The following DCLK1 variants were observed in gnomAD, a reference collection of about 807,000 sequenced individuals.
DCLK1 encodes the protein doublecortin like kinase 1, also known as serine/threonine-protein kinase DCLK1.
In DCLK1, 16 loss-of-function variants were observed where a neutral mutation model predicts 86.2. The observed-to-expected ratio is 0.19, with a 90% confidence interval of 0.13 to 0.28. DCLK1 has a LOEUF of 0.28. Among genes scored for constraint, DCLK1 ranks in the 10% least tolerant of loss-of-function variants. The probability of loss-of-function intolerance (pLI) is 1.00; values close to 1 mark genes in which losing one functional copy is unlikely to be tolerated. For missense variants in DCLK1, 590 were observed against 940.2 expected (o/e 0.63, Z 4.87); for synonymous variants, 369 against 370.5 (o/e 1.00, Z 0.05).
intron 5 of DCLK1, among the ~76,000 whole-genome samples, chr13:35,868,162 A>G (rs1593680599): frequency 6.6e-6 from 1 of 151,880 alleles, no homozygotes; most frequent in East Asian, 1.9e-4. Flanking sequence ...AGCTGGGACT[A>G]CAGGCGCCTG....
intron 11 of DCLK1, among the ~76,000 whole-genome samples, chr13:35,818,118 G>A (rs1420231669): frequency 6.6e-6 from 1 of 152,046 alleles, no homozygotes; most frequent in Non-Finnish European, 1.5e-5. Context: ...CCTTCCTTTG[G>A]GTAACCTCCA....
chr13:36,075,524 G>A (rs1328412749), intron 3 of DCLK1, among the ~76,000 whole-genome samples: 1 of 152,132 alleles, frequency 6.6e-6, no homozygotes, highest in Admixed American at 6.5e-5. Flanking sequence ...TTAAAAAAGA[G>A]AAGTAAAGAA....
chr13:36,037,195 T>A (rs1882535091), intron 3 of DCLK1, among the ~76,000 whole-genome samples: 1 of 151,792 alleles, frequency 6.6e-6, no homozygotes, highest in Non-Finnish European at 1.5e-5. Flanking sequence ...TAAAAAAAAA[T>A]GATCTCATGA....
rs367677482 is a variant in DCLK1 at position 35,901,308 on chromosome 13, G to A, written c.824-29968C>T. ...TCAAGACCAGCCTGGCCAACATGGT[G>A]AAATCCAATCTCTACTAAAAATACA... is the stretch of plus-strand genomic sequence containing the variant. On this transcript the variant is annotated intron_variant, in intron 4 of 16. Coordinates refer to ENST00000360631, the MANE Select transcript of DCLK1 (RefSeq NM_001330071.2). Among the ~76,000 whole-genome samples the A allele has an allele frequency of 7.4e-4, 113 of 151,990 alleles. 1 individual carries two copies. In the South Asian group the frequency reaches 0.023, roughly 31 times the overall value.
chr13:36,111,814 C>G (rs866232240), intron 3 of DCLK1, 55 bp downstream of exon 3: 2 of 1,524,918 alleles, frequency 1.3e-6, no homozygotes, highest in Middle Eastern at 3.5e-4. Flanking sequence ...CGTACACCCT[C>G]CGACTCCCTG....
At chr13:36,046,255 C>T (rs1882910390) in intron 3 of DCLK1, among the ~76,000 whole-genome samples, 1 of 152,160 alleles carries the variant, frequency 6.6e-6, no homozygotes, top group Non-Finnish European at 1.5e-5. Flanking sequence ...TGTCACAATG[C>T]AAATTACTGA....
At chr13:35,835,964 G>T in intron 8 of DCLK1, 69 bp downstream of exon 8, 1 of 1,147,796 alleles carries the variant, frequency 8.7e-7, no homozygotes, top group South Asian at 1.5e-5. Context: ...TGGAAATAGA[G>T]ACACAATCTT....
intron 3 of DCLK1, among the ~76,000 whole-genome samples, chr13:36,019,536 T>C (rs1485671814): frequency 6.6e-6 from 1 of 152,230 alleles, no homozygotes; most frequent in Admixed American, 6.5e-5. Context: ...TACATAATAA[T>C]GACCTCACTT....
chr13:35,869,407 G>A (rs1872104361), intron 5 of DCLK1, among the ~76,000 whole-genome samples: 3 of 152,210 alleles, frequency 2.0e-5, no homozygotes, highest in African/African-American at 7.2e-5. Flanking sequence ...AAGGAAGTTG[G>A]CATCTGGTAC....
At chr13:35,934,626 C>G (rs912102915) in intron 4 of DCLK1, among the ~76,000 whole-genome samples, 10 of 152,166 alleles carry the variant, frequency 6.6e-5, no homozygotes, top group African/African-American at 1.9e-4. Flanking sequence ...AATTATCTCT[C>G]ACTGGGTCCC....
chr13:35,784,896 C>A (rs1004383359), intron 16 of DCLK1, among the ~76,000 whole-genome samples: 1 of 152,084 alleles, frequency 6.6e-6, no homozygotes, highest in Admixed American at 6.6e-5. Flanking sequence ...TCCTCCCTGG[C>A]TTCCAGGGGA....
chr13:35,924,567 G>A (rs766651004), intron 4 of DCLK1, among the ~76,000 whole-genome samples: 11 of 152,148 alleles, frequency 7.2e-5, no homozygotes, highest in East Asian at 3.9e-4. Flanking sequence ...CAGGAGAATC[G>A]CTTGAACCCA....
chr13:36,101,215 C>T (rs760699426), intron 3 of DCLK1, among the ~76,000 whole-genome samples: 12 of 152,226 alleles, frequency 7.9e-5, no homozygotes, highest in Non-Finnish European at 1.6e-4. Flanking sequence ...TGGCATTAAT[C>T]TCTTCCTCGG....
intron 5 of DCLK1, among the ~76,000 whole-genome samples, chr13:35,866,512 G>T (rs962008179): frequency 6.9e-6 from 1 of 145,834 alleles, no homozygotes. Context: ...GAGTGCAGTT[G>T]TGCAATCTCG....
At chr13:35,861,744 T>C (rs1871399699) in intron 5 of DCLK1, among the ~76,000 whole-genome samples, 1 of 152,030 alleles carries the variant, frequency 6.6e-6, no homozygotes, top group Non-Finnish European at 1.5e-5. Context: ...TGCAGACTTC[T>C]GGCCAGGCAC....
intron 3 of DCLK1, among the ~76,000 whole-genome samples, chr13:35,957,779 C>T (rs1001427417): frequency 6.6e-6 from 1 of 152,120 alleles, no homozygotes; most frequent in East Asian, 1.9e-4. Context: ...GAATCTACTT[C>T]TCTGCATATA....
intron 5 of DCLK1, among the ~76,000 whole-genome samples, chr13:35,856,250 CTT>C (rs1396857230): frequency 6.6e-6 from 1 of 152,182 alleles, no homozygotes; most frequent in African/African-American, 2.4e-5. Context: ...ACCATCCTGT[CTT>C]TGCTGAGTGA....
intron 5 of DCLK1, among the ~76,000 whole-genome samples, chr13:35,859,319 A>T (rs1871253146): frequency 6.6e-6 from 1 of 152,174 alleles, no homozygotes; most frequent in East Asian, 1.9e-4. Context: ...CTTTGCTTTT[A>T]TCTGTATAGG....
chr13:35,978,034 G>C (rs1181386087), intron 3 of DCLK1, among the ~76,000 whole-genome samples: 1 of 151,930 alleles, frequency 6.6e-6, no homozygotes, highest in African/African-American at 2.4e-5. Flanking sequence ...GTCCCTGAAA[G>C]AAATATTAAG....
Sources: gnomAD v4.1 joint callset for allele counts (sites outside exome capture counted in the v4.1 genomes callset) on GRCh38, gnomAD v4.1.1 for gene constraint, MANE v1.5 for transcripts, NCBI Gene and HGNC (gene_info 2026-07-23, HGNC 2026-07-21) for gene names.